The following FSHR variants were observed in gnomAD, a reference collection of about 807,000 sequenced individuals.
FSHR encodes the protein follicle stimulating hormone receptor.
Under a neutral mutation model 52.1 loss-of-function variants are expected in FSHR, and 46 were observed. That is an observed-to-expected ratio of 0.88 (90% confidence interval 0.70 to 1.13). FSHR has a LOEUF of 1.13. FSHR is among the 50% of genes most tolerant of loss of function. The probability of loss-of-function intolerance (pLI) is 0.00; values close to 1 mark genes in which losing one functional copy is unlikely to be tolerated. For synonymous variants in FSHR, 399 were observed against 309.6 expected (o/e 1.29, Z -3.03); for missense variants, 964 against 834.6 (o/e 1.16, Z -1.91).
At chr2:49,026,023 T>A (rs994036015) in intron 2 of FSHR, among the ~76,000 whole-genome samples, 1 of 152,226 alleles carries the variant, frequency 6.6e-6, no homozygotes, top group Admixed American at 6.5e-5. Flanking sequence ...CCTCCTCAGA[T>A]GACAGCCAGT....
chr2:49,147,781 A>G (rs368525985), intron 1 of FSHR, among the ~76,000 whole-genome samples: 45 of 151,756 alleles, frequency 3.0e-4, no homozygotes, highest in African/African-American at 9.4e-4. Flanking sequence ...CCCCAGCCCA[A>G]TTAAATTCCA....
intron 2 of FSHR, among the ~76,000 whole-genome samples, chr2:49,065,234 C>T (rs1669457006): frequency 6.6e-6 from 1 of 152,056 alleles, no homozygotes; most frequent in South Asian, 2.1e-4. Context: ...GAGGAAGATC[C>T]CTAGAAGTTC....
At chr2:48,964,045 G>A in intron 9 of FSHR, 79 bp from the exon 10 acceptor site, 1 of 1,427,328 alleles carries the variant, frequency 7.0e-7, no homozygotes, top group African/African-American at 1.4e-5. Context: ...GTGCAGGGTA[G>A]AAATGATGAG....
At chr2:48,991,346 C>A (rs533568405) in intron 4 of FSHR, among the ~76,000 whole-genome samples, 1 of 152,230 alleles carries the variant, frequency 6.6e-6, no homozygotes, top group South Asian at 2.1e-4. Context: ...GGAGGTGAAG[C>A]TAAGCAATAC....
intron 1 of FSHR, among the ~76,000 whole-genome samples, chr2:49,077,822 A>G (rs1236063875): frequency 6.6e-6 from 1 of 152,202 alleles, no homozygotes; most frequent in Non-Finnish European, 1.5e-5. Flanking sequence ...TTGCTAAAAC[A>G]TAACAATAGT....
chr2:49,141,321 A>C (rs1166968286), intron 1 of FSHR, among the ~76,000 whole-genome samples: 1 of 152,108 alleles, frequency 6.6e-6, no homozygotes, highest in South Asian at 2.1e-4. Flanking sequence ...TAATTGGGTC[A>C]TGGTTCTGCA....
intron 8 of FSHR, among the ~76,000 whole-genome samples, chr2:48,977,582 A>G (rs550419091): frequency 6.6e-6 from 1 of 152,348 alleles, no homozygotes; most frequent in South Asian, 2.1e-4. Context: ...ATTGTGTGAC[A>G]TGATGACAAG....
intron 1 of FSHR, among the ~76,000 whole-genome samples, chr2:49,145,749 T>C (rs1672846861): frequency 6.6e-6 from 1 of 152,064 alleles, no homozygotes; most frequent in Non-Finnish European, 1.5e-5. Context: ...GCCTTTCCTA[T>C]TGATTGTTTT....
chr2:49,031,360 ATTTTG>A (rs1407252916), intron 2 of FSHR, among the ~76,000 whole-genome samples: 1 of 152,158 alleles, frequency 6.6e-6, no homozygotes, highest in African/African-American at 2.4e-5. Context: ...CCTTTTAGAA[ATTTTG>A]TTTTGTTTTT....
chr2:49,133,702 T>A (rs1363218013), intron 1 of FSHR, among the ~76,000 whole-genome samples: 1 of 152,252 alleles, frequency 6.6e-6, no homozygotes, highest in Admixed American at 6.5e-5. Context: ...AACAGCACGG[T>A]ACTGATACCA....
intron 1 of FSHR, among the ~76,000 whole-genome samples, chr2:49,088,585 C>T (rs940143602): frequency 6.6e-6 from 1 of 152,196 alleles, no homozygotes; most frequent in Non-Finnish European, 1.5e-5. Context: ...ATGACAAACG[C>T]ATTGTGCCTC....
intron 1 of FSHR, among the ~76,000 whole-genome samples, chr2:49,151,938 T>G (rs1673077766): frequency 6.6e-6 from 1 of 152,106 alleles, no homozygotes; most frequent in Non-Finnish European, 1.5e-5. Context: ...CTGAAATAAT[T>G]TTCCTTTTTT....
At chr2:49,031,611 G>A (rs1285177035) in intron 2 of FSHR, among the ~76,000 whole-genome samples, 1 of 152,114 alleles carries the variant, frequency 6.6e-6, no homozygotes, top group Admixed American at 6.6e-5. Context: ...CTAGTTCCAG[G>A]GGTCTTCTTG....
At position 48,963,403 on chromosome 2, in the gene FSHR, T is replaced by C; in HGVS notation, c.1418A>G (p.His473Arg). 2 of 1,614,110 alleles carry C rather than the reference T, an allele frequency of 1.2e-6. No homozygotes were observed. Among genetic ancestry groups the C allele is most frequent in the East Asian group, 2.2e-5 (1 of 44,852 alleles). The change falls in exon 10 of 10, where the codon CAT becomes CGT. Residue 473 changes from histidine (H) to arginine (R), a missense_variant. His to Arg is a conservative substitution (Grantham distance 29, BLOSUM62 0). Coordinates refer to ENST00000406846, the MANE Select transcript of FSHR (RefSeq NM_000145.4). Reference protein sequence around the residue: ...ITLERWHTITHAMQLDCKVQL... With the variant: ...ITLERWHTITRAMQLDCKVQL... ...CACCTTGCAGTCCAGCTGCATGGCA[T>C]GCGTGATGGTATGCCATCTTTCCAA...
At position 49,021,831 on chromosome 2, in the gene FSHR, T is replaced by TTCTCTC. The variant is rs1553334822; in HGVS notation, c.225-1677_225-1672dup. The stretch of plus-strand genomic sequence containing the variant: ...ACATAAATAAGGGTGGGGTATGTGT[T>TTCTCTC]TCTCTCTCTCTCTCTCTCTCTCTCT... On this transcript the variant is annotated intron_variant, in intron 2 of 9. Transcript: ENST00000406846. Among the ~76,000 whole-genome samples, 235 of 46,442 alleles carry TTCTCTC rather than the reference T, an allele frequency of 5.1e-3. 10 individuals are homozygous for TTCTCTC. Among genetic ancestry groups the TTCTCTC allele is most frequent in the African/African-American group, 0.018 (198 of 10,968 alleles). The allele number at this position is 46,442 out of a possible 152,430, so 30.5% of individuals were successfully genotyped here. A position where few individuals can be genotyped will look rare whatever the true frequency, so the allele number is the denominator to read the frequency against.
chr2:49,084,105 C>G (rs550341750), intron 1 of FSHR, among the ~76,000 whole-genome samples: 4 of 152,168 alleles, frequency 2.6e-5, no homozygotes, highest in African/African-American at 7.2e-5. Flanking sequence ...GTAAAGCTCT[C>G]CTCAGCAAAT....
Position 48,963,907 on chromosome 2 carries a change from G to T in FSHR, c.914C>A (p.Thr305Asn). 6.2e-7 allele frequency: 1 copy of T among 1,613,986 alleles called. No individual in the cohort carries two copies. ...SILRQEVDYM[T>N]QARGQRSSLA... The stretch of plus-strand genomic sequence containing the variant: ...AGAGGATCTCTGACCCCTAGCCTGA[G>T]TCATATAATCAACTTCTTGCCTTAA... The change falls in exon 10 of 10, where the codon ACT becomes AAT. Residue 305 changes from threonine (T) to asparagine (N), a missense_variant. Coordinates refer to ENST00000406846, the MANE Select transcript of FSHR (RefSeq NM_000145.4).
intron 1 of FSHR, among the ~76,000 whole-genome samples, chr2:49,070,580 G>A (rs757544117): frequency 3.3e-5 from 5 of 152,072 alleles, no homozygotes; most frequent in African/African-American, 7.2e-5. Flanking sequence ...ATTAATTAAC[G>A]AGATGCATGG....
chr2:49,014,965 A>G (rs578058622), intron 4 of FSHR: 1 of 458,846 alleles, frequency 2.2e-6, no homozygotes, highest in African/African-American at 2.0e-5. Context: ...GGAGAGATAG[A>G]GTTGGGAGAA....
Sources: gnomAD v4.1 joint callset for allele counts (sites outside exome capture counted in the v4.1 genomes callset) on GRCh38, gnomAD v4.1.1 for gene constraint, MANE v1.5 for transcripts, NCBI Gene and HGNC (gene_info 2026-07-23, HGNC 2026-07-21) for gene names.